The following DOCK4 variants were observed in gnomAD, a reference collection of about 807,000 sequenced individuals.
The protein encoded by DOCK4 is dedicator of cytokinesis 4, also known as dedicator of cytokinesis protein 4.
In DOCK4, 97 loss-of-function variants were observed where a neutral mutation model predicts 268.1. The observed-to-expected ratio is 0.36, with a 90% CI of 0.31 to 0.43. The LOEUF is 0.43. Among genes scored for constraint, DOCK4 ranks in the 20% least tolerant of loss-of-function variants. The pLI is 1.00. For synonymous variants in DOCK4, 954 were observed against 887.2 expected (o/e 1.08, Z -1.34); for missense variants, 2,145 against 2,455.7 (o/e 0.87, Z 2.67).
Position 111,970,328 on chromosome 7 carries a change from G to GA in DOCK4, c.701+6803dup, listed in dbSNP as rs557400137. Reference sequence around the variant, plus strand: ...CCTTGGGCAAGTTATTAAAAAAAAAGAAAAAAAAACTCTCCGTGCCTCAGT... The same window carrying GA: ...CCTTGGGCAAGTTATTAAAAAAAAAGAAAAAAAAAACTCTCCGTGCCTCAGT... On this transcript the variant is annotated intron_variant, in intron 8 of 52. Transcript: ENST00000428084. 8.8e-3 allele frequency among the ~76,000 whole-genome samples: 1,323 copies of GA among 149,884 alleles called. 19 individuals are homozygous for GA. Among genetic ancestry groups the GA allele is most frequent in the African/African-American group, 0.027 (1,108 of 40,634 alleles).
intron 25 of DOCK4, among the ~76,000 whole-genome samples, chr7:111,840,484 C>T (rs1803593486): frequency 6.6e-6 from 1 of 151,594 alleles, no homozygotes; most frequent in Non-Finnish European, 1.5e-5. Flanking sequence ...CTGCTTCTAC[C>T]TATAATTAGA....
intron 12 of DOCK4, among the ~76,000 whole-genome samples, chr7:111,925,284 G>A (rs537991325): frequency 6.6e-6 from 1 of 152,286 alleles, no homozygotes; most frequent in South Asian, 2.1e-4. Flanking sequence ...CAAAGCCAGT[G>A]AAAACTTTTC....
chr7:111,984,104 C>T (rs1798853333), intron 7 of DOCK4, among the ~76,000 whole-genome samples: 1 of 152,152 alleles, frequency 6.6e-6, no homozygotes, highest in Non-Finnish European at 1.5e-5. Context: ...TGAGGGCCCA[C>T]TGGAGAGTAT....
At chr7:111,808,667 A>T in intron 30 of DOCK4, 154 bp downstream of exon 30, 1 of 700,284 alleles carries the variant, frequency 1.4e-6, no homozygotes, top group Non-Finnish European at 2.3e-6. Flanking sequence ...AACCTCATTC[A>T]ATGCCAAAGT....
intron 13 of DOCK4, among the ~76,000 whole-genome samples, chr7:111,913,728 T>C (rs1461653778): frequency 1.3e-5 from 2 of 150,984 alleles, no homozygotes; most frequent in East Asian, 3.9e-4. Context: ...TTTTTTTTTT[T>C]TTAATTAGCC....
At chr7:111,995,431 G>GTGTGTGTGTT (rs1454530380) in intron 4 of DOCK4, among the ~76,000 whole-genome samples, 3 of 87,896 alleles carry the variant, frequency 3.4e-5, no homozygotes, top group Admixed American at 1.3e-4. Context: ...GTGTGTGTGT[G>GTGTGTGTGTT]TGTGTGTGTG....
chr7:111,768,942 G>A (rs769771173), intron 37 of DOCK4, among the ~76,000 whole-genome samples: 7 of 152,082 alleles, frequency 4.6e-5, no homozygotes, highest in Non-Finnish European at 1.0e-4. Context: ...CTTTGGAAGT[G>A]ATTAGGTCAT....
At chr7:111,993,911 A>G (rs544845792) in intron 5 of DOCK4, among the ~76,000 whole-genome samples, 1 of 152,238 alleles carries the variant, frequency 6.6e-6, no homozygotes, top group Non-Finnish European at 1.5e-5. Flanking sequence ...GTTAGATGCC[A>G]GAAAAATAAT....
At chr7:112,145,472 CG>C (rs1390058797) in intron 1 of DOCK4, among the ~76,000 whole-genome samples, 5 of 152,114 alleles carry the variant, frequency 3.3e-5, no homozygotes, top group African/African-American at 1.2e-4. Context: ...CCGCGGGGCT[CG>C]CAGTAATGCA....
chr7:111,973,156 C>CATATAT (rs144045255), intron 8 of DOCK4, among the ~76,000 whole-genome samples: 2,288 of 113,952 alleles, frequency 0.02, 61 homozygotes, highest in African/African-American at 0.055. Flanking sequence ...TATTCCATGG[C>CATATAT]ATATATATAT....
At chr7:112,172,153 C>T (rs1279494116) in intron 1 of DOCK4, among the ~76,000 whole-genome samples, 1 of 152,206 alleles carries the variant, frequency 6.6e-6, no homozygotes, top group Non-Finnish European at 1.5e-5. Flanking sequence ...CAGTCCATAA[C>T]AATGCCCCGA....
In DOCK4 at chr7:111,871,917, T is replaced by A. The variant is rs1338724729; in HGVS notation, c.2027+73A>T. 2.4e-6 allele frequency: 3 copies of A among 1,245,058 alleles called. No homozygotes were observed. In the African/African-American group the frequency reaches 4.6e-5, roughly 19 times the overall value. 77.1% of individuals were successfully genotyped at this position (1,245,058 alleles called of 1,614,324 possible). A position where few individuals can be genotyped will look rare whatever the true frequency, so the allele number is the denominator to read the frequency against. ...TCCTACACTCCCTTTTAAATTTTCC[T>A]ATATCGCCTCTTCTGCTGAGAAAAG... On this transcript the variant is annotated intron_variant, in intron 20 of 52. Transcript: ENST00000428084.
chr7:112,112,534 C>G (rs981288456), intron 1 of DOCK4, among the ~76,000 whole-genome samples: 4 of 152,004 alleles, frequency 2.6e-5, no homozygotes, highest in Non-Finnish European at 5.9e-5. Flanking sequence ...GTCCTACCTA[C>G]TCAGGAGGCT....
chr7:111,847,241 T>A, intron 23 of DOCK4, 115 bp from the exon 24 acceptor site: 1 of 1,284,360 alleles, frequency 7.8e-7, no homozygotes, highest in African/African-American at 1.5e-5. Flanking sequence ...ACACATGTAG[T>A]TACAAAGGTA....
chr7:111,840,320 C>T (rs1803579547), intron 25 of DOCK4, among the ~76,000 whole-genome samples: 1 of 152,206 alleles, frequency 6.6e-6, no homozygotes, highest in African/African-American at 2.4e-5. Context: ...GAGTAGCTGT[C>T]TTAGACCTGG....
At chr7:111,728,839 A>ATCTCCTGCT in intron 52 of DOCK4, 119 bp from the exon 53 acceptor site, 3 of 928,458 alleles carry the variant, frequency 3.2e-6, no homozygotes, top group Non-Finnish European at 4.7e-6. Flanking sequence ...AGCCGGCTGC[A>ATCTCCTGCT]GCAGGAGATG....
chr7:111,852,921 C>T (rs983658215), intron 23 of DOCK4, among the ~76,000 whole-genome samples: 1 of 152,172 alleles, frequency 6.6e-6, no homozygotes, highest in Non-Finnish European at 1.5e-5. Context: ...ACTAACTTTC[C>T]ATGCATTTAA....
At chr7:111,838,121 T>G (rs1024412317) in intron 25 of DOCK4, among the ~76,000 whole-genome samples, 4 of 147,082 alleles carry the variant, frequency 2.7e-5, no homozygotes, top group Non-Finnish European at 5.9e-5. Flanking sequence ...AAGATGTCAA[T>G]TATCCCCAAA....
intron 1 of DOCK4, among the ~76,000 whole-genome samples, chr7:112,068,430 G>A (rs1049021277): frequency 7.2e-5 from 11 of 152,118 alleles, no homozygotes; most frequent in African/African-American, 2.4e-4. Context: ...TCCCTTCTAC[G>A]TATGTGAATG....
Sources: allele counts gnomAD v4.1 joint callset (sites outside exome capture counted in the v4.1 genomes callset), GRCh38; gene constraint gnomAD v4.1.1; transcripts MANE v1.5; gene names NCBI Gene and HGNC (gene_info 2026-07-23, HGNC 2026-07-21).